The following LRRC43 variants were observed in gnomAD, a reference collection of about 807,000 sequenced individuals.
The protein encoded by LRRC43 is leucine-rich repeat-containing protein 43.
In LRRC43, 62 loss-of-function variants were observed where a neutral mutation model predicts 64.3. The ratio of observed to expected loss-of-function variants is 0.96; its 90% CI spans 0.79 to 1.19. The LOEUF is 1.19. Ranked by LOEUF, LRRC43 falls within the 50% of genes most tolerant of loss-of-function variation. The pLI, the probability that LRRC43 is intolerant of heterozygous loss-of-function variation, is 0.00. For synonymous variants in LRRC43, 422 were observed against 382.3 expected (o/e 1.10, Z -1.21); for missense variants, 868 against 845.0 (o/e 1.03, Z -0.34).
chr12:122,173,683 CAA>C (rs374308237), intron 1 of LRRC43, among the ~76,000 whole-genome samples: 18 of 98,432 alleles, frequency 1.8e-4, no homozygotes, highest in Admixed American at 2.2e-4. Context: ...GACTCTGTCT[CAA>C]AAAAAAAAAA....
chr12:122,203,246 G>A (rs1566014763), intron 11 of LRRC43, 69 bp from the exon 12 acceptor site: 1 of 1,574,550 alleles, frequency 6.4e-7, no homozygotes. Context: ...ATATGGGATG[G>A]GTCAGGGCGG....
chr12:122,191,584 C>T lies in LRRC43; in HGVS notation c.1089+17C>T. The T allele has an allele frequency of 1.2e-6, 2 of 1,606,272 alleles. No homozygotes were observed. Among genetic ancestry groups the T allele is most frequent in the Non-Finnish European group, 1.7e-6 (2 of 1,175,510 alleles). On this transcript the variant is annotated intron_variant, in intron 6 of 11. Transcript: ENST00000339777. Reference sequence around the variant, plus strand: ...CTGGCCGAGGTGTGCCCTGGTCTGTCCCTAGGAGTATGGGGGGCTCTTGTG... The same window carrying T: ...CTGGCCGAGGTGTGCCCTGGTCTGTTCCTAGGAGTATGGGGGGCTCTTGTG...
chr12:122,190,053 G>T lies in LRRC43; in HGVS notation c.663-77G>T, dbSNP rs773828491. On this transcript the variant is annotated intron_variant, in intron 4 of 11. Coordinates refer to ENST00000339777, the MANE Select transcript of LRRC43 (RefSeq NM_001098519.2). ...CAGAATCCTTAGCCCCAGGCTCCCC[G>T]TCCGTTTTGGCCACAGGCTGCTTGC... 9.4e-6 allele frequency: 11 copies of T among 1,174,238 alleles called. No homozygotes were observed. The South Asian group carries it at 1.4e-4, about 14-fold the overall frequency. The allele number at this position is 1,174,238 out of a possible 1,614,324, so 72.7% of individuals were successfully genotyped here. A position where few individuals can be genotyped will look rare whatever the true frequency, so the allele number is the denominator to read the frequency against.
intron 4 of LRRC43, chr12:122,189,403 G>A: frequency 2.2e-6 from 1 of 456,572 alleles, no homozygotes; most frequent in South Asian, 1.5e-5. Context: ...CTTCTCTTCT[G>A]CTCTTAGGGG....
At chr12:122,168,702 T>A (rs1005851709) in intron 1 of LRRC43, among the ~76,000 whole-genome samples, 5 of 152,184 alleles carry the variant, frequency 3.3e-5, no homozygotes, top group African/African-American at 9.7e-5. Context: ...TGCACGTTTA[T>A]AAAAACTAAG....
In LRRC43 at chr12:122,201,328, A is replaced by G. The variant is rs748690778; in HGVS notation, c.1842A>G (p.Lys614=). The change falls in exon 11 of 12, where the codon AAA becomes AAG. Residue 614 remains lysine, a splice_region_variant and synonymous_variant. Coordinates refer to ENST00000339777, the MANE Select transcript of LRRC43 (RefSeq NM_001098519.2). ...AGAAGATTAAGAAAGTTGCCAAAAA[A>G]GGTGAGTGCCGATGGTGGTGACCAA... ...DSKKIKKVAK[K]EKPKAVIPIY... 1.2e-6 allele frequency: 2 copies of G among 1,613,982 alleles called. No individual in the cohort carries two copies. Among genetic ancestry groups the G allele is most frequent in the Admixed American group, 3.3e-5 (2 of 59,998 alleles).
chr12:122,200,701 C>A lies in LRRC43; in HGVS notation c.1620+41C>A. On this transcript the variant is annotated intron_variant, in intron 9 of 11. Transcript: ENST00000339777. The surrounding 1 kb of genome is among the most constrained non-coding windows in gnomAD (Gnocchi z 4.6). ...GCTGGGGAGGGCAGCCTGGCCACAC[C>A]CTTGCTTCAACTTGTCCCACCCTCC... 1 of 1,613,106 alleles carries A rather than the reference C, an allele frequency of 6.2e-7. No individual in the cohort carries two copies. Among genetic ancestry groups the A allele is most frequent in the Non-Finnish European group, 8.5e-7 (1 of 1,179,798 alleles).
chr12:122,202,252 C>G (rs184250434), intron 11 of LRRC43: 1 of 151,934 alleles, frequency 6.6e-6, no homozygotes, highest in Admixed American at 6.6e-5. Flanking sequence ...TTGAAGACAG[C>G]TGGATTCTTA....
At chr12:122,195,176 T>TC (rs1953762498) in intron 7 of LRRC43, among the ~76,000 whole-genome samples, 2 of 152,174 alleles carry the variant, frequency 1.3e-5, no homozygotes, top group Non-Finnish European at 2.9e-5. Flanking sequence ...CCTGCAATTT[T>TC]CAAAGATAGT....
chr12:122,174,546 G>A lies in LRRC43; in HGVS notation c.-406+6764G>A, dbSNP rs1207482892. Reference sequence around the variant, plus strand: ...AGACACGACCATACCACCAAGGAGCGGGTGACTTCCAGGAGTTCAAGGCCA... The same window carrying A: ...AGACACGACCATACCACCAAGGAGCAGGTGACTTCCAGGAGTTCAAGGCCA... On this transcript the variant is annotated intron_variant, in intron 1 of 5. Transcript: ENST00000537729. Among the ~76,000 whole-genome samples the A allele has an allele frequency of 4.6e-5, 7 of 152,310 alleles. No homozygotes were observed. In the East Asian group the frequency reaches 5.8e-4, roughly 13 times the overall value.
intron 1 of LRRC43, among the ~76,000 whole-genome samples, chr12:122,167,962 G>C (rs1252289078): frequency 1.3e-5 from 2 of 151,376 alleles, no homozygotes; most frequent in Non-Finnish European, 2.9e-5. Flanking sequence ...CTACAGGTGT[G>C]CACCACCACA....
At chr12:122,171,362 GA>G (rs1455324065) in intron 1 of LRRC43, among the ~76,000 whole-genome samples, 12 of 152,296 alleles carry the variant, frequency 7.9e-5, no homozygotes, top group African/African-American at 2.9e-4. Flanking sequence ...CTGGCATAAA[GA>G]AAATGCTCAA....
chr12:122,188,323 G>T (rs1249229652), intron 4 of LRRC43, among the ~76,000 whole-genome samples: 1 of 152,054 alleles, frequency 6.6e-6, no homozygotes, highest in Non-Finnish European at 1.5e-5. Context: ...TAGCCAGGAT[G>T]GTCTCCATCT....
intron 1 of LRRC43, 92 bp downstream of exon 1, chr12:122,183,386 T>G: frequency 7.7e-7 from 1 of 1,302,902 alleles, no homozygotes; most frequent in Non-Finnish European, 9.8e-7. Flanking sequence ...CCCTGGGGCC[T>G]GGGATCTGCG....
intron 1 of LRRC43, among the ~76,000 whole-genome samples, chr12:122,177,566 G>A (rs1261935905): frequency 2.0e-5 from 3 of 151,792 alleles, no homozygotes; most frequent in Non-Finnish European, 2.9e-5. Flanking sequence ...GTGAAGTGGT[G>A]TGATCACGGC....
chr12:122,175,392 C>T (rs999679176), intron 1 of LRRC43, among the ~76,000 whole-genome samples: 2 of 151,870 alleles, frequency 1.3e-5, no homozygotes, highest in Non-Finnish European at 2.9e-5. Flanking sequence ...TGGTCTCAAA[C>T]GCCTGACCTT....
chr12:122,168,076 A>G (rs1478933007), intron 1 of LRRC43, among the ~76,000 whole-genome samples: 1 of 149,280 alleles, frequency 6.7e-6, no homozygotes. Flanking sequence ...CAGCCTCCCA[A>G]CGTGCTGGGA....
chr12:122,200,234 C>A lies in LRRC43; in HGVS notation c.1395C>A (p.Ile465=). The change falls in exon 8 of 12, where the codon ATC becomes ATA. Residue 465 remains isoleucine, a synonymous_variant. Coordinates refer to ENST00000339777, the MANE Select transcript of LRRC43 (RefSeq NM_001098519.2). The surrounding 1 kb of genome is among the most constrained non-coding windows in gnomAD (Gnocchi z 4.6). Reference sequence around the variant, plus strand: ...CCCACAAGCCCTGGGCTGAGGTCATCCCCTGCAGTTACGAGATGCAGCACT... The same window carrying A: ...CCCACAAGCCCTGGGCTGAGGTCATACCCTGCAGTTACGAGATGCAGCACT... ...STAHKPWAEV[I]PCSYEMQHSL... is the part of the protein sequence containing the mutation. The A allele has an allele frequency of 2.5e-6, 4 of 1,614,120 alleles. No individual in the cohort carries two copies. Among genetic ancestry groups the A allele is most frequent in the Non-Finnish European group, 3.4e-6 (4 of 1,180,016 alleles).
chr12:122,177,220 C>G (rs1953543889), intron 1 of LRRC43, among the ~76,000 whole-genome samples: 1 of 152,104 alleles, frequency 6.6e-6, no homozygotes, highest in Admixed American at 6.6e-5. Flanking sequence ...GCCCATAAAG[C>G]AGAAGAGGAA....
Sources: allele counts gnomAD v4.1 joint callset (sites outside exome capture counted in the v4.1 genomes callset), GRCh38; gene constraint gnomAD v4.1.1; non-coding constraint Gnocchi (gnomAD v3.1); transcripts MANE v1.5; gene names NCBI Gene and HGNC (gene_info 2026-07-23, HGNC 2026-07-21).